Variants in KLF9 observed in about 807,000 individuals in gnomAD.
KLF9 encodes KLF transcription factor 9.
Under a neutral mutation model 17.3 loss-of-function variants are expected in KLF9, and 2 were observed. The ratio of observed to expected loss-of-function variants is 0.12; its 90% CI spans 0.05 to 0.36. The LOEUF (loss-of-function observed/expected upper bound fraction) is 0.36, where lower values mean the gene tolerates loss of function less well. Among genes scored for constraint, KLF9 ranks in the 10% least tolerant of loss-of-function variants. The pLI is 1.00. For synonymous variants in KLF9, 138 were observed against 139.2 expected (o/e 0.99, Z 0.06); for missense variants, 226 against 333.2 (o/e 0.68, Z 2.51).
intron 1 of KLF9, among the ~76,000 whole-genome samples, chr9:70,407,281 AGAATCCAAGAATTCATTTCCCT>A (rs1587742739): frequency 2.6e-5 from 4 of 152,220 alleles, no homozygotes; most frequent in African/African-American, 9.7e-5. Flanking sequence ...CCTCATGTTC[AGAATCCAAGAATTCATTTCCCT>A]GAATCCAAGA....
intron 1 of KLF9, among the ~76,000 whole-genome samples, chr9:70,402,173 A>G (rs767522136): frequency 4.6e-5 from 7 of 152,202 alleles, no homozygotes; most frequent in Non-Finnish European, 1.0e-4. Flanking sequence ...GGGGCTGGCC[A>G]TGAGTATGGA....
chr9:70,401,168 C>CAA (rs199648240), intron 1 of KLF9, among the ~76,000 whole-genome samples: 2 of 116,032 alleles, frequency 1.7e-5, no homozygotes, highest in African/African-American at 3.7e-5. Flanking sequence ...ATCCCATCTC[C>CAA]AAAAAAAAAA....
chr9:70,407,456 G>A (rs1007919626), intron 1 of KLF9, among the ~76,000 whole-genome samples: 3 of 152,304 alleles, frequency 2.0e-5, no homozygotes, highest in East Asian at 1.9e-4. Flanking sequence ...ACCACGCACA[G>A]AAGATGTGAG....
rs1268451005 is a variant in KLF9, at chr9:70,385,491, CA to C, written c.*2284del. The C allele has an allele frequency of 6.6e-6, 1 of 152,606 alleles. No individual in the cohort carries two copies. The highest frequency in any genetic ancestry group is 2.4e-5 in the African/African-American group (1 of 41,454). The allele number at this position is 152,606 out of a possible 1,614,324, so 9.5% of individuals were successfully genotyped here. ...CATTTATATCCATCTAAGTGCTTGACAAAAGCCACATTTAGATTTACTCCTG... is the reference window on the plus strand; with the variant it reads ...CATTTATATCCATCTAAGTGCTTGACAAAGCCACATTTAGATTTACTCCTG... On this transcript the variant is annotated 3_prime_UTR_variant, in exon 2 of 2. Transcript: ENST00000377126.
rs1554708135 is a variant in KLF9 at position 70,409,104 on chromosome 9, G to GTGTATA, written c.505+3754_505+3755insTATACA. Among the ~76,000 whole-genome samples the GTGTATA allele has an allele frequency of 8.3e-5, 6 of 72,356 alleles. No individual in the cohort carries two copies. The South Asian group carries it at 1.5e-3, about 18-fold the overall frequency. The allele number at this position is 72,356 out of a possible 152,430, so 47.5% of individuals were successfully genotyped here. On this transcript the variant is annotated intron_variant, in intron 1 of 1. Coordinates refer to ENST00000377126, the MANE Select transcript of KLF9 (RefSeq NM_001206.4). ...TATACACATATATGTATATATATGT[G>GTGTATA]TATATATATACATATATGTATATAT...
At chr9:70,389,274 T>C (rs1046435844) in intron 1 of KLF9, among the ~76,000 whole-genome samples, 1 of 152,208 alleles carries the variant, frequency 6.6e-6, no homozygotes, top group Non-Finnish European at 1.5e-5. Flanking sequence ...ATATTCCTCA[T>C]AAAAGATGAA....
chr9:70,394,057 A>T (rs966116694), intron 1 of KLF9, among the ~76,000 whole-genome samples: 1 of 147,118 alleles, frequency 6.8e-6, no homozygotes, highest in Non-Finnish European at 1.5e-5. Context: ...GTGGTTTCTG[A>T]TTGCAAAAAC....
rs185071453 is a variant in KLF9, at chr9:70,414,494, A to G, written c.-1131T>C. On this transcript the variant is annotated 5_prime_UTR_variant, in exon 1 of 2. Coordinates refer to ENST00000377126, the MANE Select transcript of KLF9 (RefSeq NM_001206.4). ...AAGCGCTCGACACTTGTAAACGCGA[A>G]GAGCTGTAGTGAAACTGGACACATC... 6.6e-6 allele frequency: 1 copy of G among 152,374 alleles called. No homozygotes were observed. The highest frequency in any genetic ancestry group is 6.5e-5 in the Admixed American group (1 of 15,308). The allele number at this position is 152,374 out of a possible 1,614,324, so 9.4% of individuals were successfully genotyped here.
chr9:70,409,760 T>G (rs1232228530), intron 1 of KLF9, among the ~76,000 whole-genome samples: 1 of 152,228 alleles, frequency 6.6e-6, no homozygotes, highest in Non-Finnish European at 1.5e-5. Context: ...TTCTTTAGAT[T>G]AACAATGGAT....
At position 70,390,400 on chromosome 9, in the gene KLF9, A is replaced by T. The variant is rs190196509; in HGVS notation, c.506-2395T>A. 3.6e-3 allele frequency among the ~76,000 whole-genome samples: 543 copies of T among 152,284 alleles called. 4 individuals are homozygous for T. Among genetic ancestry groups the T allele is most frequent in the African/African-American group, 0.012 (518 of 41,540 alleles). On this transcript the variant is annotated intron_variant, in intron 1 of 1. Transcript: ENST00000377126. ...CGGGGATGGGGCTGCAAAGAGGAAA[A>T]AAAAAAGAGTTTCCCGTGAAAAACT...
intron 1 of KLF9, among the ~76,000 whole-genome samples, chr9:70,389,515 C>G (rs12001829): frequency 6.6e-6 from 1 of 152,164 alleles, no homozygotes; most frequent in African/African-American, 2.4e-5. Context: ...GTCCTGGGGA[C>G]TTGACAATTT....
Position 70,392,890 on chromosome 9 carries a change from G to GA in KLF9, c.506-4886dup, listed in dbSNP as rs201315544. Among the ~76,000 whole-genome samples, 38 of 152,188 alleles carry GA rather than the reference G, an allele frequency of 2.5e-4. No individual in the cohort carries two copies. In the East Asian group the frequency reaches 6.8e-3, roughly 27 times the overall value. On this transcript the variant is annotated intron_variant, in intron 1 of 1. Coordinates refer to ENST00000377126, the MANE Select transcript of KLF9 (RefSeq NM_001206.4). The stretch of plus-strand genomic sequence containing the variant: ...GAGTTACCATCCTCCTGGGGATAGG[G>GA]AAAAAAATACCCAACACACTTGTAC...
chr9:70,397,307 T>C (rs1344298399), intron 1 of KLF9, among the ~76,000 whole-genome samples: 1 of 151,872 alleles, frequency 6.6e-6, no homozygotes, highest in Admixed American at 6.6e-5. Context: ...AAACCCTGTC[T>C]CTACTAAAAA....
intron 1 of KLF9, among the ~76,000 whole-genome samples, chr9:70,401,168 CA>C (rs199648240): frequency 0.043 from 5,001 of 115,912 alleles, 92 homozygotes; most frequent in Middle Eastern, 0.057. Context: ...ATCCCATCTC[CA>C]AAAAAAAAAA....
intron 1 of KLF9, among the ~76,000 whole-genome samples, chr9:70,404,037 A>C (rs2037241139): frequency 6.6e-6 from 1 of 152,176 alleles, no homozygotes; most frequent in Admixed American, 6.5e-5. Context: ...CTAGAGACAG[A>C]CTAGGAAAAT....
intron 1 of KLF9, among the ~76,000 whole-genome samples, chr9:70,404,908 A>T (rs181652275): frequency 4.6e-5 from 7 of 152,300 alleles, no homozygotes; most frequent in Admixed American, 3.9e-4. Context: ...TCAAAAACCC[A>T]TGTCAGAAGG....
chr9:70,405,941 A>G (rs2037252407), intron 1 of KLF9, among the ~76,000 whole-genome samples: 1 of 151,504 alleles, frequency 6.6e-6, no homozygotes, highest in Non-Finnish European at 1.5e-5. Flanking sequence ...GTGGTAGGAA[A>G]CCTCTCAGCA....
chr9:70,392,758 G>A (rs1039474688), intron 1 of KLF9, among the ~76,000 whole-genome samples: 9 of 152,068 alleles, frequency 5.9e-5, no homozygotes, highest in South Asian at 2.1e-4. Context: ...TTTGAGGCTC[G>A]GTGCTAAGGT....
intron 1 of KLF9, among the ~76,000 whole-genome samples, chr9:70,391,319 G>A (rs2037151576): frequency 6.6e-6 from 1 of 152,178 alleles, no homozygotes; most frequent in African/African-American, 2.4e-5. Flanking sequence ...TATATTTCAA[G>A]TGTAATCAGG....
Sources: allele counts gnomAD v4.1 joint callset (sites outside exome capture counted in the v4.1 genomes callset), GRCh38; gene constraint gnomAD v4.1.1; transcripts MANE v1.5; gene names NCBI Gene and HGNC (gene_info 2026-07-23, HGNC 2026-07-21).